RALYL: variants seen among roughly 807,000 people sequenced by gnomAD.
RALYL encodes RNA-binding Raly-like protein.
A neutral mutation model predicts 35.1 loss-of-function variants in RALYL; 29 were observed. That is an observed-to-expected ratio of 0.83 (90% CI 0.61 to 1.13). RALYL has a LOEUF of 1.13. RALYL is among the 50% of genes most tolerant of loss of function. RALYL has a pLI of 0.00. For synonymous variants in RALYL, 120 were observed against 127.6 expected, an observed-to-expected ratio of 0.94 and a Z score of 0.40; for missense variants, 359 against 360.4, an observed-to-expected ratio of 1.00 and a Z score of 0.03.
At chr8:84,411,099 A>G (rs2044053373) in intron 1 of RALYL, among the ~76,000 whole-genome samples, 2 of 151,930 alleles carry the variant, frequency 1.3e-5, no homozygotes, top group Non-Finnish European at 2.9e-5. Context: ...TGTGGTAATA[A>G]TCAGAACAAA....
intron 1 of RALYL, among the ~76,000 whole-genome samples, chr8:84,392,584 G>A (rs1346465881): frequency 6.6e-6 from 1 of 151,998 alleles, no homozygotes. Flanking sequence ...GTGAGAGAAA[G>A]CTGATCAGCC....
chr8:84,730,152 C>T (rs1845863271), intron 2 of RALYL, among the ~76,000 whole-genome samples: 1 of 151,924 alleles, frequency 6.6e-6, no homozygotes, highest in Non-Finnish European at 1.5e-5. Context: ...ACTGGCAAAC[C>T]AAATCCAGCA....
chr8:84,729,548 G>A (rs1845705228), intron 2 of RALYL, among the ~76,000 whole-genome samples: 1 of 151,932 alleles, frequency 6.6e-6, no homozygotes, highest in Non-Finnish European at 1.5e-5. Flanking sequence ...CAGAACTGAA[G>A]GAAATAGAGA....
At chr8:84,705,909 T>C in intron 2 of RALYL, 3 of 1,485,500 alleles carry the variant, frequency 2.0e-6, no homozygotes, top group Non-Finnish European at 2.7e-6. Flanking sequence ...ACTGTGTGAT[T>C]GCTGGTTACC....
chr8:84,424,562 T>C (rs1444139755), intron 1 of RALYL, among the ~76,000 whole-genome samples: 1 of 151,232 alleles, frequency 6.6e-6, no homozygotes, highest in African/African-American at 2.5e-5. Context: ...TCAAAGTCAT[T>C]CTCCATCCAG....
intron 2 of RALYL, among the ~76,000 whole-genome samples, chr8:84,558,269 A>G (rs181589251): frequency 6.6e-6 from 1 of 152,286 alleles, no homozygotes; most frequent in East Asian, 1.9e-4. Flanking sequence ...TTTTGAAAGC[A>G]TAAACTTGCC....
At chr8:84,559,596 T>C (rs1354905916) in intron 2 of RALYL, among the ~76,000 whole-genome samples, 1 of 152,108 alleles carries the variant, frequency 6.6e-6, no homozygotes, top group Non-Finnish European at 1.5e-5. Flanking sequence ...CTATTTTGAT[T>C]CATAATTAGA....
intron 2 of RALYL, among the ~76,000 whole-genome samples, chr8:84,549,960 G>A (rs1473133180): frequency 6.6e-6 from 1 of 151,992 alleles, no homozygotes; most frequent in East Asian, 1.9e-4. Flanking sequence ...AGGAACATTT[G>A]TGGAGTACTG....
intron 1 of RALYL, among the ~76,000 whole-genome samples, chr8:84,306,238 G>T (rs1841772659): frequency 6.6e-6 from 1 of 151,874 alleles, no homozygotes; most frequent in Non-Finnish European, 1.5e-5. Flanking sequence ...TAAGTCTCAG[G>T]TACCTATGAC....
intron 2 of RALYL, among the ~76,000 whole-genome samples, chr8:84,660,786 G>A (rs1035993199): frequency 6.6e-6 from 1 of 151,934 alleles, no homozygotes; most frequent in Non-Finnish European, 1.5e-5. Context: ...TGAGACTATT[G>A]AGACTTCATA....
chr8:84,806,195 T>C (rs1254984016), intron 4 of RALYL, among the ~76,000 whole-genome samples: 1 of 152,136 alleles, frequency 6.6e-6, no homozygotes, highest in African/African-American at 2.4e-5. Flanking sequence ...AAAAATGGAA[T>C]ATATGCATTT....
At chr8:84,644,950 A>G (rs913801067) in intron 2 of RALYL, among the ~76,000 whole-genome samples, 1 of 151,708 alleles carries the variant, frequency 6.6e-6, no homozygotes, top group Admixed American at 6.6e-5. Context: ...CAGTTTCCCC[A>G]TGATGGCCAG....
At chr8:84,806,798 G>C (rs144257686) in intron 4 of RALYL, among the ~76,000 whole-genome samples, 1 of 152,232 alleles carries the variant, frequency 6.6e-6, no homozygotes, top group East Asian at 1.9e-4. Context: ...ACTCACTTGA[G>C]TTCAGGAGTT....
At chr8:84,770,096 G>T (rs987304730) in intron 2 of RALYL, among the ~76,000 whole-genome samples, 1 of 151,680 alleles carries the variant, frequency 6.6e-6, no homozygotes, top group African/African-American at 2.4e-5. Flanking sequence ...GTGGTATTTG[G>T]TTACATAAAT....
At chr8:84,383,782 TAA>T (rs201551975) in intron 1 of RALYL, among the ~76,000 whole-genome samples, 54 of 128,880 alleles carry the variant, frequency 4.2e-4, no homozygotes, top group Middle Eastern at 4.0e-3. Context: ...ACAGTTACAT[TAA>T]AAAAAAAAAA....
At chr8:84,269,313 C>T (rs1833875583) in intron 1 of RALYL, among the ~76,000 whole-genome samples, 3 of 152,054 alleles carry the variant, frequency 2.0e-5, no homozygotes, top group Admixed American at 6.6e-5. Flanking sequence ...ACACTGAATG[C>T]TTTAGTAAGC....
At chr8:84,802,975 G>C (rs1188496985) in intron 3 of RALYL, among the ~76,000 whole-genome samples, 2 of 152,156 alleles carry the variant, frequency 1.3e-5, no homozygotes, top group Non-Finnish European at 2.9e-5. Flanking sequence ...GCTGAAAAAA[G>C]AGAGAGGAGA....
chr8:84,593,179 T>C (rs925214273), intron 2 of RALYL, among the ~76,000 whole-genome samples: 3 of 152,062 alleles, frequency 2.0e-5, no homozygotes, highest in African/African-American at 7.2e-5. Flanking sequence ...TAGTCCCTTC[T>C]TCACCAACAA....
intron 8 of RALYL, among the ~76,000 whole-genome samples, chr8:84,891,001 A>G (rs1843751543): frequency 6.6e-6 from 1 of 152,264 alleles, no homozygotes; most frequent in East Asian, 1.9e-4. Context: ...CTAGAGAAAG[A>G]GGAACTAAAT....
Sources: allele counts gnomAD v4.1 joint callset (sites outside exome capture counted in the v4.1 genomes callset), GRCh38; gene constraint gnomAD v4.1.1; transcripts MANE v1.5; gene names NCBI Gene and HGNC (gene_info 2026-07-23, HGNC 2026-07-21).